The following UBE2H variants were observed in gnomAD, a reference collection of about 807,000 sequenced individuals.
UBE2H encodes the protein ubiquitin conjugating enzyme E2 H.
In UBE2H, 3 loss-of-function variants were observed where a neutral mutation model predicts 29.0. The observed-to-expected ratio is 0.10, with a 90% CI of 0.05 to 0.27. The LOEUF (loss-of-function observed/expected upper bound fraction) is 0.27, where lower values mean the gene tolerates loss of function less well. Among genes scored for constraint, UBE2H ranks in the 10% least tolerant of loss-of-function variants. UBE2H has a pLI of 1.00. For synonymous variants in UBE2H, 69 were observed against 82.9 expected (o/e 0.83, Z 0.91); for missense variants, 68 against 228.2 (o/e 0.30, Z 4.52).
chr7:129,888,420 G>A (rs1213086519), intron 1 of UBE2H, among the ~76,000 whole-genome samples: 1 of 152,172 alleles, frequency 6.6e-6, no homozygotes, highest in Non-Finnish European at 1.5e-5. Context: ...AGGAGGCTGA[G>A]GTGGGAGGAT....
intron 1 of UBE2H, among the ~76,000 whole-genome samples, chr7:129,938,486 G>C (rs940150437): frequency 6.8e-6 from 1 of 148,010 alleles, no homozygotes; most frequent in Non-Finnish European, 1.5e-5. Context: ...AGGCCGAGGC[G>C]GGTGGATCAC....
At chr7:129,888,137 T>C (rs976268803) in intron 1 of UBE2H, among the ~76,000 whole-genome samples, 18 of 152,188 alleles carry the variant, frequency 1.2e-4, no homozygotes, top group African/African-American at 3.1e-4. Flanking sequence ...AGGCTCCTGA[T>C]TGAAATAAGA....
At chr7:129,933,366 CAACTTAT>C (rs1466266834) in intron 1 of UBE2H, among the ~76,000 whole-genome samples, 3 of 152,156 alleles carry the variant, frequency 2.0e-5, no homozygotes, top group Admixed American at 6.5e-5. Context: ...AAACACTTTG[CAACTTAT>C]AAAACAGGGT....
intron 1 of UBE2H, among the ~76,000 whole-genome samples, chr7:129,934,638 T>TTAAAAA (rs1554440987): frequency 3.0e-5 from 2 of 65,840 alleles, no homozygotes; most frequent in East Asian, 4.9e-4. Context: ...ACTCCGTCTT[T>TTAAAAA]AAAAAAAAAA....
At chr7:129,936,103 T>TA (rs1203496368) in intron 1 of UBE2H, among the ~76,000 whole-genome samples, 1 of 152,190 alleles carries the variant, frequency 6.6e-6, no homozygotes, top group Non-Finnish European at 1.5e-5. Context: ...TAATACCTAT[T>TA]AAAATTTAAC....
intron 5 of UBE2H, among the ~76,000 whole-genome samples, chr7:129,847,088 C>T (rs1198264052): frequency 6.6e-6 from 1 of 152,016 alleles, no homozygotes; most frequent in East Asian, 1.9e-4. Context: ...CTCTATCTCC[C>T]CAGGCTGGAG....
At chr7:129,922,130 T>C (rs1807175987) in intron 1 of UBE2H, among the ~76,000 whole-genome samples, 2 of 150,792 alleles carry the variant, frequency 1.3e-5, no homozygotes. Context: ...ACTACAGGTG[T>C]GCACCAGCCA....
At chr7:129,879,483 G>A (rs1806211895) in intron 3 of UBE2H, 85 bp downstream of exon 3, 4 of 1,263,352 alleles carry the variant, frequency 3.2e-6, no homozygotes, top group Non-Finnish European at 4.5e-6. Flanking sequence ...GCCATTTCTG[G>A]CATTAATTAC....
chr7:129,897,757 C>A (rs1357441554), intron 1 of UBE2H, among the ~76,000 whole-genome samples: 3 of 152,086 alleles, frequency 2.0e-5, no homozygotes, highest in Non-Finnish European at 2.9e-5. Context: ...TACCCATTAT[C>A]TGTTGGAAGT....
At chr7:129,949,539 CAG>C (rs375051035) in intron 1 of UBE2H, among the ~76,000 whole-genome samples, 1 of 152,236 alleles carries the variant, frequency 6.6e-6, no homozygotes, top group African/African-American at 2.4e-5. Context: ...ATGAATGAGT[CAG>C]AGTTTCAGAA....
chr7:129,866,959 GA>G (rs1805916667), intron 3 of UBE2H, among the ~76,000 whole-genome samples: 1 of 152,174 alleles, frequency 6.6e-6, no homozygotes, highest in Non-Finnish European at 1.5e-5. Flanking sequence ...AGTAATGTTA[GA>G]ATTAGCTTAA....
At chr7:129,936,086 A>C (rs1313018971) in intron 1 of UBE2H, among the ~76,000 whole-genome samples, 6 of 152,258 alleles carry the variant, frequency 3.9e-5, no homozygotes, top group African/African-American at 1.4e-4. Flanking sequence ...GCTAAAATCT[A>C]TGACTCTAAT....
intron 1 of UBE2H, among the ~76,000 whole-genome samples, chr7:129,900,458 T>C (rs531250430): frequency 1.3e-5 from 2 of 152,328 alleles, no homozygotes; most frequent in Middle Eastern, 3.4e-3. Flanking sequence ...CATTTGTATA[T>C]ACTATTTGAT....
At chr7:129,872,095 A>T (rs901072224) in intron 3 of UBE2H, among the ~76,000 whole-genome samples, 7 of 151,844 alleles carry the variant, frequency 4.6e-5, no homozygotes, top group African/African-American at 1.7e-4. Context: ...CCTCAAGTGA[A>T]CCTCCTGCCT....
At chr7:129,895,833 G>A (rs1454151913) in intron 1 of UBE2H, among the ~76,000 whole-genome samples, 4 of 151,984 alleles carry the variant, frequency 2.6e-5, no homozygotes, top group African/African-American at 7.3e-5. Context: ...TTGAGATCGC[G>A]CCACTGCACT....
At chr7:129,848,836 CT>C (rs34279042) in intron 5 of UBE2H, among the ~76,000 whole-genome samples, 176 of 128,716 alleles carry the variant, frequency 1.4e-3, no homozygotes, top group African/African-American at 3.5e-3. Flanking sequence ...AACCAGGTAG[CT>C]TTTTTTTTTT....
In UBE2H at chr7:129,839,514, T is replaced by C. The variant is rs182818924; in HGVS notation, c.299-179A>G. 1,481 of 679,292 alleles carry C rather than the reference T, an allele frequency of 2.2e-3. 16 individuals are homozygous for C. In the African/African-American group the frequency reaches 0.027, roughly 12 times the overall value. The allele number at this position is 679,292 out of a possible 1,614,324, so 42.1% of individuals were successfully genotyped here. On this transcript the variant is annotated intron_variant, in intron 5 of 6. Coordinates refer to ENST00000355621, the MANE Select transcript of UBE2H (RefSeq NM_003344.4). ...ATTCATTTCAATACCAATTTAAACA[T>C]TTTAATTTTAATTTGAAGAACGAGA...
chr7:129,863,808 G>GTTTTTTTTTTTTTTTTTTTTT (rs34701981), intron 3 of UBE2H, among the ~76,000 whole-genome samples: 3 of 136,042 alleles, frequency 2.2e-5, no homozygotes, highest in African/African-American at 8.3e-5. Flanking sequence ...AATACTAGGT[G>GTTTTTTTTTTTTTTTTTTTTT]TTTTTTTTTT....
intron 6 of UBE2H, among the ~76,000 whole-genome samples, chr7:129,836,589 G>C (rs1805329197): frequency 6.6e-6 from 1 of 152,120 alleles, no homozygotes; most frequent in Non-Finnish European, 1.5e-5. Flanking sequence ...AACCTTAAGA[G>C]AGAACTATGG....
Sources: gnomAD v4.1 joint callset for allele counts (sites outside exome capture counted in the v4.1 genomes callset) on GRCh38, gnomAD v4.1.1 for gene constraint, MANE v1.5 for transcripts, NCBI Gene and HGNC (gene_info 2026-07-23, HGNC 2026-07-21) for gene names.